The following SLC39A11 variants were observed in gnomAD, a reference collection of about 807,000 sequenced individuals.
SLC39A11 encodes the protein solute carrier family 39 member 11.
In SLC39A11, 33 loss-of-function variants were observed where a neutral mutation model predicts 36.1. The observed-to-expected ratio is 0.91, with a 90% CI of 0.69 to 1.22. SLC39A11 has a LOEUF of 1.22. SLC39A11 is among the 50% of genes most tolerant of loss of function. The probability of loss-of-function intolerance (pLI) is 0.00; values close to 1 mark genes in which losing one functional copy is unlikely to be tolerated. For missense variants in SLC39A11, 432 were observed against 430.3 expected, an observed-to-expected ratio of 1.00 and a Z score of -0.03; for synonymous variants, 166 against 170.3, an observed-to-expected ratio of 0.97 and a Z score of 0.20.
At chr17:72,925,331 G>T (rs374902803) in intron 5 of SLC39A11, among the ~76,000 whole-genome samples, 45 of 152,228 alleles carry the variant, frequency 3.0e-4, no homozygotes, top group African/African-American at 1.1e-3. Context: ...GAATTTTTAG[G>T]TATCTTCCAT....
At chr17:72,710,341 T>C (rs990853287) in intron 7 of SLC39A11, among the ~76,000 whole-genome samples, 1 of 152,210 alleles carries the variant, frequency 6.6e-6, no homozygotes, top group African/African-American at 2.4e-5. Context: ...AATGTGTATG[T>C]CCCTCCAAAA....
At chr17:72,866,267 G>T (rs559167082) in intron 5 of SLC39A11, among the ~76,000 whole-genome samples, 25 of 152,284 alleles carry the variant, frequency 1.6e-4, no homozygotes, top group Non-Finnish European at 3.2e-4. Flanking sequence ...CTCCTTATGA[G>T]AATCTAATGC....
chr17:72,799,990 T>C (rs1265815695), intron 6 of SLC39A11, among the ~76,000 whole-genome samples: 1 of 152,146 alleles, frequency 6.6e-6, no homozygotes, highest in Non-Finnish European at 1.5e-5. Flanking sequence ...TGATATGTGA[T>C]GTCACCCCCA....
At position 72,648,900 on chromosome 17, in the gene SLC39A11, C is replaced by T. The variant is rs1164967113; in HGVS notation, c.832G>A (p.Val278Met). 1 of 1,614,006 alleles carries T rather than the reference C, an allele frequency of 6.2e-7. No homozygotes were observed. The highest frequency in any genetic ancestry group is 8.5e-7 in the Non-Finnish European group (1 of 1,180,020). Residue 278 changes from valine to methionine, a missense_variant, in exon 9 of 10, where the codon GTG (valine) becomes ATG (methionine). Val to Met is a conservative substitution (Grantham distance 21). Coordinates refer to ENST00000255559, the MANE Select transcript of SLC39A11 (RefSeq NM_139177.4). Reference protein sequence around the residue: ...LAGVFGAFAVVLAEPILPYAL... With the variant: ...LAGVFGAFAVMLAEPILPYAL... Reference sequence around the variant, plus strand: ...TAGGGCAGGATGGGCTCAGCCAGCACCACGGCAAAGGCACCAAAGACCCCG... The same window carrying T: ...TAGGGCAGGATGGGCTCAGCCAGCATCACGGCAAAGGCACCAAAGACCCCG...
chr17:72,652,449 T>C (rs1343707532), intron 7 of SLC39A11, among the ~76,000 whole-genome samples: 2 of 152,152 alleles, frequency 1.3e-5, no homozygotes, highest in African/African-American at 4.8e-5. Context: ...CCACCCTCAC[T>C]TCACAGCGTT....
At chr17:72,904,188 CT>C (rs1380329941) in intron 5 of SLC39A11, among the ~76,000 whole-genome samples, 8 of 152,266 alleles carry the variant, frequency 5.3e-5, no homozygotes, top group African/African-American at 1.9e-4. Context: ...GTCCCAGCTA[CT>C]TGGGAGGCTG....
intron 3 of SLC39A11, among the ~76,000 whole-genome samples, chr17:73,067,345 G>A (rs2060025969): frequency 6.6e-6 from 1 of 152,188 alleles, no homozygotes; most frequent in African/African-American, 2.4e-5. Context: ...CTGCCACTTT[G>A]TAGCATGGAA....
At chr17:72,745,799 T>C (rs1258922380) in intron 6 of SLC39A11, among the ~76,000 whole-genome samples, 1 of 152,206 alleles carries the variant, frequency 6.6e-6, no homozygotes, top group Admixed American at 6.5e-5. Context: ...TAAGCGGTGA[T>C]GCTACGACTT....
At chr17:72,940,091 G>A (rs1039199842) in intron 5 of SLC39A11, among the ~76,000 whole-genome samples, 3 of 152,178 alleles carry the variant, frequency 2.0e-5, no homozygotes, top group Non-Finnish European at 4.4e-5. Context: ...AACTTACACA[G>A]TCAGGAGAGA....
intron 7 of SLC39A11, among the ~76,000 whole-genome samples, chr17:72,659,970 A>G (rs1423143382): frequency 6.6e-6 from 1 of 152,070 alleles, no homozygotes; most frequent in African/African-American, 2.4e-5. Context: ...CACCCCAGCC[A>G]TACCTCAGGT....
At chr17:72,660,234 AC>A (rs1203786681) in intron 7 of SLC39A11, among the ~76,000 whole-genome samples, 1 of 152,176 alleles carries the variant, frequency 6.6e-6, no homozygotes, top group African/African-American at 2.4e-5. Context: ...TGCGGTTGAA[AC>A]CAGCTCAAGT....
intron 1 of SLC39A11, chr17:73,091,686 C>T (rs1236225021): frequency 6.6e-6 from 1 of 152,260 alleles, no homozygotes; most frequent in African/African-American, 2.4e-5. Context: ...ATCTCCATCA[C>T]AGCTTACACA....
chr17:72,852,659 C>T (rs930399866), intron 5 of SLC39A11, among the ~76,000 whole-genome samples: 2 of 152,182 alleles, frequency 1.3e-5, no homozygotes, highest in Admixed American at 6.5e-5. Context: ...AGATCACCTT[C>T]GTGTATGTAT....
intron 5 of SLC39A11, among the ~76,000 whole-genome samples, chr17:72,850,060 C>A (rs766438896): frequency 2.6e-5 from 4 of 152,086 alleles, no homozygotes; most frequent in Non-Finnish European, 4.4e-5. Context: ...CCAAAAAGGA[C>A]CCACGTCACA....
chr17:73,058,411 A>G (rs772047532), intron 3 of SLC39A11, among the ~76,000 whole-genome samples: 3 of 152,112 alleles, frequency 2.0e-5, no homozygotes, highest in Non-Finnish European at 4.4e-5. Flanking sequence ...TGGCCTTCTG[A>G]TCTCGTCTCC....
intron 7 of SLC39A11, among the ~76,000 whole-genome samples, chr17:72,655,658 G>A (rs2143932319): frequency 1.3e-5 from 2 of 152,324 alleles, no homozygotes; most frequent in East Asian, 3.9e-4. Context: ...GACACCTGTG[G>A]CCACTACTGA....
chr17:72,949,285 C>T (rs1320716033), intron 4 of SLC39A11, among the ~76,000 whole-genome samples: 4 of 150,666 alleles, frequency 2.7e-5, no homozygotes, highest in East Asian at 2.0e-4. Context: ...CTCAGCCTCC[C>T]GAGTAGCTGG....
chr17:73,088,265 G>A (rs35356047), intron 2 of SLC39A11, among the ~76,000 whole-genome samples: 7,727 of 151,158 alleles, frequency 0.051, 262 homozygotes, highest in East Asian at 0.18. Context: ...CTGCACGCCA[G>A]GCTGGGCAAC....
At chr17:72,830,406 G>A (rs2078229568) in intron 6 of SLC39A11, among the ~76,000 whole-genome samples, 4 of 152,052 alleles carry the variant, frequency 2.6e-5, no homozygotes, top group Admixed American at 2.0e-4. Context: ...GTTTGTCAAC[G>A]TGGGTACTAA....
Sources: allele counts gnomAD v4.1 joint callset (sites outside exome capture counted in the v4.1 genomes callset), GRCh38; gene constraint gnomAD v4.1.1; transcripts MANE v1.5; gene names NCBI Gene and HGNC (gene_info 2026-07-23, HGNC 2026-07-21).